The following PLEKHM2 variants were observed in gnomAD, a reference collection of about 807,000 sequenced individuals.
PLEKHM2 encodes the protein pleckstrin homology domain-containing family M member 2.
In PLEKHM2, 77 loss-of-function variants were observed where a neutral mutation model predicts 116.3. The observed-to-expected ratio is 0.66, with a 90% CI of 0.55 to 0.80. The LOEUF is 0.80. Among genes scored for constraint, PLEKHM2 ranks in the 30% least tolerant of loss-of-function variants. PLEKHM2 has a pLI of 0.00. For synonymous variants in PLEKHM2, 562 were observed against 571.0 expected (o/e 0.98, Z 0.22); for missense variants, 1,183 against 1,354.9 (o/e 0.87, Z 1.99).
rs1425113146 is a variant in PLEKHM2 at position 15,719,696 on chromosome 1, G to A, written c.466-38G>A. On this transcript the variant is annotated intron_variant, in intron 5 of 19. Transcript: ENST00000375799. This position sits in a 1 kb window ranked among gnomAD's most constrained non-coding sequence, Gnocchi z 4.1. ...TGTCTGCAGAAGGCCGCTGCACGAG[G>A]CCTCCCACCAAACGGGCCTCCTCTA... 2.6e-5 allele frequency: 39 copies of A among 1,494,604 alleles called. No homozygotes were observed. The highest frequency in any genetic ancestry group is 3.6e-5 in the Non-Finnish European group (39 of 1,078,514). 92.6% of individuals were successfully genotyped at this position (1,494,604 alleles called of 1,614,324 possible).
upstream of PLEKHM2, chr1:15,681,672 C>T (rs527728332): frequency 2.0e-3 from 878 of 444,772 alleles, 3 homozygotes; most frequent in Non-Finnish European, 3.2e-3. Flanking sequence ...GAAGGAAGTG[C>T]GCAATTCTGA....
At chr1:15,705,478 G>T (rs1047312227) in intron 1 of PLEKHM2, among the ~76,000 whole-genome samples, 4 of 151,914 alleles carry the variant, frequency 2.6e-5, no homozygotes, top group Admixed American at 1.3e-4. Flanking sequence ...CACTGTGCCC[G>T]GCCTCCACAT....
intron 1 of PLEKHM2, among the ~76,000 whole-genome samples, chr1:15,706,257 GC>G (rs1193265882): frequency 6.6e-6 from 1 of 152,082 alleles, no homozygotes; most frequent in Non-Finnish European, 1.5e-5. Flanking sequence ...CTCATCTCAT[GC>G]TGCTCACCCC....
In PLEKHM2 at chr1:15,700,364, T is replaced by C. The variant is rs148586304; in HGVS notation, c.60+15746T>C. On this transcript the variant is annotated intron_variant, in intron 1 of 19. Coordinates refer to ENST00000375799, the MANE Select transcript of PLEKHM2 (RefSeq NM_015164.4). ...CCAGGTGGGATGAAGCAGAAGGAGC[T>C]CCAGAAGTAGCTACCCCTGTGTGTG... 9.0e-4 allele frequency among the ~76,000 whole-genome samples: 137 copies of C among 152,266 alleles called. 2 individuals carry two copies. In the East Asian group the frequency reaches 0.023, roughly 25 times the overall value.
intron 1 of PLEKHM2, among the ~76,000 whole-genome samples, chr1:15,700,972 T>C (rs1641097153): frequency 6.6e-6 from 1 of 151,358 alleles, no homozygotes; most frequent in Non-Finnish European, 1.5e-5. Context: ...CAATTAGCCA[T>C]GTTGGTGGTG....
At position 15,727,856 on chromosome 1, in the gene PLEKHM2, TGG is replaced by T. The variant is rs750309823; in HGVS notation, c.1760+26_1760+27del. 2.0e-6 allele frequency: 3 copies of T among 1,503,750 alleles called. No homozygotes were observed. Among genetic ancestry groups the T allele is most frequent in the Non-Finnish European group, 2.7e-6 (3 of 1,111,088 alleles). 93.2% of individuals were successfully genotyped at this position (1,503,750 alleles called of 1,614,324 possible). A position where few individuals can be genotyped will look rare whatever the true frequency, so the allele number is the denominator to read the frequency against. ...AGGTAACAAGACTCTGCAGCTGGCA[TGG>T]GACTCTCCCAGCCCTTGAAGCTGGG... On this transcript the variant is annotated intron_variant, in intron 9 of 19. Transcript: ENST00000375799. This position sits in a 1 kb window ranked among gnomAD's most constrained non-coding sequence, Gnocchi z 7.5.
Position 15,719,786 on chromosome 1 carries a change from A to G in PLEKHM2, c.518A>G (p.Gln173Arg). Reference protein sequence around the residue: ...APYMPDYYKPQYLLDFEDRLP... With the variant: ...APYMPDYYKPRYLLDFEDRLP... ...TACATGCCCGACTACTACAAACCTC[A>G]GTACCTGCTGGACTTTGAAGACCGC... Residue 173 changes from glutamine to arginine, a missense_variant, in exon 6 of 20, where the codon CAG (glutamine) becomes CGG (arginine). Gln to Arg is a conservative substitution (Grantham distance 43). Transcript: ENST00000375799. This position sits in a 1 kb window ranked among gnomAD's most constrained non-coding sequence, Gnocchi z 4.1. 1 of 1,613,708 alleles carries G rather than the reference A, an allele frequency of 6.2e-7. No homozygotes were observed. Among genetic ancestry groups the G allele is most frequent in the Non-Finnish European group, 8.5e-7 (1 of 1,179,758 alleles).
At chr1:15,684,696 C>CGGCGACCCTGCTGCCGCAGGGACT in intron 1 of PLEKHM2, 78 bp downstream of exon 1, 1 of 474,038 alleles carries the variant, frequency 2.1e-6, no homozygotes, top group Non-Finnish European at 2.7e-6. Flanking sequence ...TCTCCCGGGC[C>CGGCGACCCTGCTGCCGCAGGGACT]GGGGCCCCCC....
chr1:15,728,961 C>A lies in PLEKHM2; in HGVS notation c.1987-141C>A. The A allele has an allele frequency of 1.2e-6, 1 of 833,612 alleles. No homozygotes were observed. Among genetic ancestry groups the A allele is most frequent in the Non-Finnish European group, 1.9e-6 (1 of 513,424 alleles). 51.6% of individuals were successfully genotyped at this position (833,612 alleles called of 1,614,324 possible). A position where few individuals can be genotyped will look rare whatever the true frequency, so the allele number is the denominator to read the frequency against. On this transcript the variant is annotated intron_variant, in intron 12 of 19. Coordinates refer to ENST00000375799, the MANE Select transcript of PLEKHM2 (RefSeq NM_015164.4). This position sits in a 1 kb window ranked among gnomAD's most constrained non-coding sequence, Gnocchi z 5.9. The stretch of plus-strand genomic sequence containing the variant: ...ACCGTCCCTCCCTCACTCATGCCAG[C>A]CCCTGGCCTCTGGGGCTTTACTTGG...
rs558625853 is a variant in PLEKHM2 at position 15,725,733 on chromosome 1, C to T, written c.941+188C>T. The T allele has an allele frequency of 1.3e-3, 754 of 588,858 alleles. 2 individuals are homozygous for T. Among genetic ancestry groups the T allele is most frequent in the Non-Finnish European group, 2.0e-3 (647 of 330,156 alleles). The allele number at this position is 588,858 out of a possible 1,614,324, so 36.5% of individuals were successfully genotyped here. On this transcript the variant is annotated intron_variant, in intron 8 of 19. Coordinates refer to ENST00000375799, the MANE Select transcript of PLEKHM2 (RefSeq NM_015164.4). The stretch of plus-strand genomic sequence containing the variant: ...AAGTGGAGGCCTGTCCTAGTCAGCT[C>T]GGCTGCTGGAACAAAGCACCGCAGA...
rs571688260 is a variant in PLEKHM2, at chr1:15,695,869, T to C, written c.60+11251T>C. ...CAGGGTGGAGTGCAGTGGTGTGATC[T>C]CAGCTCACTGCAGCCTCGACCTCCC... On this transcript the variant is annotated intron_variant, in intron 1 of 19. Transcript: ENST00000375799. Among the ~76,000 whole-genome samples, 6 of 151,662 alleles carry C rather than the reference T, an allele frequency of 4.0e-5. No individual in the cohort carries two copies. The South Asian group carries it at 1.2e-3, about 31-fold the overall frequency.
intron 1 of PLEKHM2, among the ~76,000 whole-genome samples, chr1:15,704,572 T>C (rs1480166987): frequency 6.6e-6 from 1 of 152,228 alleles, no homozygotes; most frequent in African/African-American, 2.4e-5. Flanking sequence ...TAACTTTTCC[T>C]CAATATCATC....
rs766745026 is a variant in PLEKHM2, at chr1:15,727,410, G to T, written c.1338G>T (p.Pro446=). The part of the protein sequence containing the change: ...SFRTGSPGDA[P]ERPPLCDFSE... ...GGACCGGCTCTCCCGGGGATGCCCCGGAGAGGCCGCCGCTTTGCGACTTTA... is the reference window on the plus strand; with the variant it reads ...GGACCGGCTCTCCCGGGGATGCCCCTGAGAGGCCGCCGCTTTGCGACTTTA... The change falls in exon 9 of 20, where the codon CCG becomes CCT. Residue 446 remains proline, a synonymous_variant. Transcript: ENST00000375799. The surrounding 1 kb of genome is among the most constrained non-coding windows in gnomAD (Gnocchi z 7.5). 3 of 1,605,232 alleles carry T rather than the reference G, an allele frequency of 1.9e-6. No homozygotes were observed. The highest frequency in any genetic ancestry group is 2.5e-6 in the Non-Finnish European group (3 of 1,176,638).
intron 1 of PLEKHM2, among the ~76,000 whole-genome samples, chr1:15,702,869 C>A (rs898693504): frequency 6.6e-6 from 1 of 151,626 alleles, no homozygotes; most frequent in Non-Finnish European, 1.5e-5. Flanking sequence ...TATAGGTATG[C>A]ACCACCACGC....
intron 7 of PLEKHM2, among the ~76,000 whole-genome samples, chr1:15,724,598 C>G (rs183208998): frequency 6.6e-6 from 1 of 152,052 alleles, no homozygotes; most frequent in African/African-American, 2.4e-5. Flanking sequence ...GCCTGGGGGG[C>G]GGCCTCTCGG....
intron 1 of PLEKHM2, among the ~76,000 whole-genome samples, chr1:15,710,776 A>G (rs1641315931): frequency 6.6e-6 from 1 of 152,262 alleles, no homozygotes; most frequent in African/African-American, 2.4e-5. Context: ...AAAGGGGCAT[A>G]TTACATCACA....
Position 15,728,794 on chromosome 1 carries a change from C to A in PLEKHM2, c.1986+61C>A. 6.9e-7 allele frequency: 1 copy of A among 1,445,620 alleles called. No individual in the cohort carries two copies. Among genetic ancestry groups the A allele is most frequent in the Admixed American group, 1.9e-5 (1 of 52,400 alleles). The allele number at this position is 1,445,620 out of a possible 1,614,324, so 89.5% of individuals were successfully genotyped here. A position where few individuals can be genotyped will look rare whatever the true frequency, so the allele number is the denominator to read the frequency against. On this transcript the variant is annotated intron_variant, in intron 12 of 19. Coordinates refer to ENST00000375799, the MANE Select transcript of PLEKHM2 (RefSeq NM_015164.4). The surrounding 1 kb of genome is among the most constrained non-coding windows in gnomAD (Gnocchi z 5.9). ...GGTACAGGGCTTCTCAAGCCACTTA[C>A]CCATAGAACTGCAGGGCGAGGCACG...
chr1:15,717,557 T>C (rs1030126971), intron 3 of PLEKHM2, among the ~76,000 whole-genome samples: 13 of 152,234 alleles, frequency 8.5e-5, no homozygotes, highest in African/African-American at 3.1e-4. Context: ...TGGACTCTTA[T>C]GGAATCCCAG....
In PLEKHM2 at chr1:15,710,048, C is replaced by A. The variant is rs1458544265; in HGVS notation, c.61-6189C>A. ...GACCATCCTGGCTAACGTGGTGAAACCCCATCTCCACTAAAAAAAATACAA... is the reference window on the plus strand; with the variant it reads ...GACCATCCTGGCTAACGTGGTGAAAACCCATCTCCACTAAAAAAAATACAA... On this transcript the variant is annotated intron_variant, in intron 1 of 19. Transcript: ENST00000375799. Among the ~76,000 whole-genome samples the A allele has an allele frequency of 4.0e-5, 6 of 151,770 alleles. No homozygotes were observed. The East Asian group carries it at 1.2e-3, about 30-fold the overall frequency.
Sources: allele counts gnomAD v4.1 joint callset (sites outside exome capture counted in the v4.1 genomes callset), GRCh38; gene constraint gnomAD v4.1.1; non-coding constraint Gnocchi (gnomAD v3.1); transcripts MANE v1.5; gene names NCBI Gene and HGNC (gene_info 2026-07-23, HGNC 2026-07-21).